NBEA: variants seen among roughly 807,000 people sequenced by gnomAD.
NBEA encodes neurobeachin.
Under a neutral mutation model 343.4 loss-of-function variants are expected in NBEA, and 44 were observed. The observed-to-expected ratio is 0.13, with a 90% CI of 0.10 to 0.16. The LOEUF (loss-of-function observed/expected upper bound fraction) is 0.16, where lower values mean the gene tolerates loss of function less well. Among genes scored for constraint, NBEA ranks in the 10% least tolerant of loss-of-function variants. The pLI is 1.00. For missense variants in NBEA, 2,555 were observed against 3,631.3 expected, an observed-to-expected ratio of 0.70 and a Z score of 7.62; for synonymous variants, 1,175 against 1,238.7, an observed-to-expected ratio of 0.95 and a Z score of 1.08.
intron 8 of NBEA, among the ~76,000 whole-genome samples, chr13:35,063,248 T>A (rs755348986): frequency 6.6e-6 from 1 of 151,992 alleles, no homozygotes; most frequent in East Asian, 1.9e-4. Context: ...ATATAACAAT[T>A]AAAACCAACA....
intron 32 of NBEA, among the ~76,000 whole-genome samples, chr13:35,210,141 A>G (rs1249109602): frequency 1.3e-5 from 2 of 152,066 alleles, no homozygotes; most frequent in African/African-American, 2.4e-5. Context: ...TTTATATGAG[A>G]CAAGTCATGA....
At chr13:35,132,289 C>G (rs1352169419) in intron 17 of NBEA, among the ~76,000 whole-genome samples, 1 of 152,110 alleles carries the variant, frequency 6.6e-6, no homozygotes, top group Non-Finnish European at 1.5e-5. Context: ...TCCCACGTAG[C>G]CAGGACTACA....
chr13:35,311,355 C>T (rs2152833831), intron 36 of NBEA, among the ~76,000 whole-genome samples: 1 of 151,570 alleles, frequency 6.6e-6, no homozygotes, highest in Non-Finnish European at 1.5e-5. Flanking sequence ...ATCAGTAACT[C>T]TCCTAAGAGT....
chr13:35,521,736 G>A (rs2077722905), intron 41 of NBEA, among the ~76,000 whole-genome samples: 1 of 152,160 alleles, frequency 6.6e-6, no homozygotes. Flanking sequence ...AATTTGGTTG[G>A]TTTGCCTCGG....
At chr13:35,505,516 A>G (rs973778921) in intron 41 of NBEA, among the ~76,000 whole-genome samples, 3 of 152,166 alleles carry the variant, frequency 2.0e-5, no homozygotes, top group African/African-American at 7.2e-5. Context: ...TCATTTTTTC[A>G]TGTAATGAGC....
chr13:35,619,084 A>C (rs923960398), intron 48 of NBEA, among the ~76,000 whole-genome samples: 1 of 151,234 alleles, frequency 6.6e-6, no homozygotes, highest in Admixed American at 6.6e-5. Flanking sequence ...ATTATACCCC[A>C]AATGCAAATG....
At chr13:35,233,211 C>G (rs2075066698) in intron 34 of NBEA, among the ~76,000 whole-genome samples, 1 of 152,052 alleles carries the variant, frequency 6.6e-6, no homozygotes, top group Non-Finnish European at 1.5e-5. Context: ...ATGAATATTT[C>G]TGAGCTTCAG....
intron 36 of NBEA, among the ~76,000 whole-genome samples, chr13:35,338,998 T>A (rs745549977): frequency 6.6e-6 from 1 of 152,018 alleles, no homozygotes; most frequent in Non-Finnish European, 1.5e-5. Flanking sequence ...GCTTTCTCAG[T>A]CTGATAAGTG....
intron 44 of NBEA, among the ~76,000 whole-genome samples, chr13:35,561,124 C>T (rs764347316): frequency 3.3e-5 from 5 of 152,082 alleles, no homozygotes; most frequent in African/African-American, 7.2e-5. Flanking sequence ...CATATAGCAC[C>T]GTCAGTATCA....
chr13:35,357,143 A>G (rs2040535395), intron 38 of NBEA, among the ~76,000 whole-genome samples: 1 of 151,670 alleles, frequency 6.6e-6, no homozygotes, highest in South Asian at 2.1e-4. Context: ...CACATGTATC[A>G]TGGCACTTGT....
At chr13:35,340,270 A>C (rs368125896) in intron 36 of NBEA, among the ~76,000 whole-genome samples, 1 of 152,100 alleles carries the variant, frequency 6.6e-6, no homozygotes, top group Non-Finnish European at 1.5e-5. Context: ...CTCTTTATAC[A>C]TACAATGGGA....
At chr13:35,197,385 A>G (rs971422633) in intron 31 of NBEA, among the ~76,000 whole-genome samples, 11 of 152,182 alleles carry the variant, frequency 7.2e-5, no homozygotes, top group Non-Finnish European at 1.5e-4. Context: ...GAAATGTCAA[A>G]GTATATAGTC....
chr13:34,942,868 C>G lies in NBEA; in HGVS notation c.48C>G (p.Pro16=), dbSNP rs377255095. The change falls in exon 1 of 59, where the codon CCC becomes CCG. Residue 16 remains proline (P), a synonymous_variant. Coordinates refer to ENST00000379939, the MANE Select transcript of NBEA (RefSeq NM_001385012.1). ...PGPGPGLEPQ[P]VGLIAVGAAG... is the part of the protein sequence containing the mutation. ...CGGGCCCGGGGCTCGAGCCTCAGCC[C>G]GTGGGGCTCATTGCCGTCGGGGCCG... The G allele has an allele frequency of 5.6e-4, 791 of 1,409,702 alleles. 2 individuals are homozygous for G. In the African/African-American group the frequency reaches 1.0e-2, roughly 18 times the overall value. The allele number at this position is 1,409,702 out of a possible 1,614,324, so 87.3% of individuals were successfully genotyped here. A position where few individuals can be genotyped will look rare whatever the true frequency, so the allele number is the denominator to read the frequency against.
At chr13:35,604,273 G>A (rs538314957) in intron 47 of NBEA, among the ~76,000 whole-genome samples, 4 of 152,148 alleles carry the variant, frequency 2.6e-5, no homozygotes, top group East Asian at 1.9e-4. Context: ...CCATTTCCCC[G>A]TTCATATTGG....
At chr13:35,272,821 G>T (rs1321352303) in intron 34 of NBEA, among the ~76,000 whole-genome samples, 1 of 152,024 alleles carries the variant, frequency 6.6e-6, no homozygotes, top group Non-Finnish European at 1.5e-5. Flanking sequence ...AAATATATAC[G>T]TGCCCAATAT....
At chr13:35,025,271 T>G (rs2061980455) in intron 1 of NBEA, among the ~76,000 whole-genome samples, 1 of 152,196 alleles carries the variant, frequency 6.6e-6, no homozygotes, top group South Asian at 2.1e-4. Context: ...TAGAAGGCTA[T>G]TTCTTAGATT....
intron 10 of NBEA, among the ~76,000 whole-genome samples, chr13:35,076,017 T>G (rs1232233163): frequency 2.6e-5 from 4 of 151,984 alleles, no homozygotes; most frequent in Non-Finnish European, 4.4e-5. Flanking sequence ...TAATATGTGA[T>G]TGTTTTTAAT....
chr13:34,989,303 A>G (rs918066016), intron 1 of NBEA, among the ~76,000 whole-genome samples: 3 of 151,084 alleles, frequency 2.0e-5, no homozygotes, highest in Admixed American at 6.6e-5. Context: ...TCACATTACT[A>G]TAAGTAACTA....
chr13:35,363,550 T>C (rs954864111), intron 38 of NBEA, among the ~76,000 whole-genome samples: 1 of 151,912 alleles, frequency 6.6e-6, no homozygotes, highest in Non-Finnish European at 1.5e-5. Context: ...GTTCATCTGC[T>C]AACAGTTCTT....
Sources: allele counts gnomAD v4.1 joint callset (sites outside exome capture counted in the v4.1 genomes callset), GRCh38; gene constraint gnomAD v4.1.1; transcripts MANE v1.5; gene names NCBI Gene and HGNC (gene_info 2026-07-23, HGNC 2026-07-21).